DNAH14: variants seen among roughly 807,000 people sequenced by gnomAD.
The protein encoded by DNAH14 is dynein axonemal heavy chain 14.
Under a neutral mutation model 520.9 loss-of-function variants are expected in DNAH14, and 478 were observed. The observed-to-expected ratio is 0.92, with a 90% CI of 0.85 to 0.99. DNAH14 has a LOEUF of 0.99. DNAH14 is among the 50% of genes least tolerant of loss of function. The probability of loss-of-function intolerance (pLI) is 0.00; values close to 1 mark genes in which losing one functional copy is unlikely to be tolerated. For synonymous variants in DNAH14, 1,581 were observed against 1,757.2 expected, an observed-to-expected ratio of 0.90 and a Z score of 2.51; for missense variants, 4,831 against 5,234.5, an observed-to-expected ratio of 0.92 and a Z score of 2.38.
chr1:224,990,510 C>CT (rs1444142147), intron 8 of DNAH14, among the ~76,000 whole-genome samples: 1 of 152,138 alleles, frequency 6.6e-6, no homozygotes, highest in Admixed American at 6.5e-5. Flanking sequence ...CTACTCCCTG[C>CT]TTTTTTCAGT....
chr1:225,308,464 C>A (rs1206997816), intron 60 of DNAH14, 54 bp downstream of exon 60: 3 of 1,473,462 alleles, frequency 2.0e-6, no homozygotes, highest in South Asian at 2.8e-5. Flanking sequence ...AAAAGTATTC[C>A]CTAACCTTCA....
chr1:225,373,196 C>G (rs943574036), intron 77 of DNAH14, among the ~76,000 whole-genome samples: 9 of 127,290 alleles, frequency 7.1e-5, no homozygotes, highest in Admixed American at 1.7e-4. Flanking sequence ...GACAGGAAAA[C>G]AGAAAGAAAG....
intron 21 of DNAH14, among the ~76,000 whole-genome samples, chr1:225,094,656 CAAAAAAAA>C (rs760828776): frequency 1.7e-4 from 13 of 77,862 alleles, no homozygotes; most frequent in Admixed American, 5.4e-4. Flanking sequence ...TTCTGCACAG[CAAAAAAAA>C]AAAAAAAAAA....
At chr1:225,353,712 A>T in intron 72 of DNAH14, 91 bp from the exon 73 acceptor site, 1 of 760,928 alleles carries the variant, frequency 1.3e-6, no homozygotes, top group South Asian at 1.7e-5. Context: ...AAAAGTCACA[A>T]TTTTATGACA....
intron 11 of DNAH14, among the ~76,000 whole-genome samples, chr1:225,037,105 G>A (rs1227023086): frequency 3.3e-5 from 5 of 152,078 alleles, no homozygotes; most frequent in African/African-American, 4.8e-5. Flanking sequence ...TTCAGTCTGT[G>A]TTTGTCAAGG....
intron 23 of DNAH14, among the ~76,000 whole-genome samples, chr1:225,107,595 C>G (rs1045304417): frequency 6.6e-6 from 1 of 152,100 alleles, no homozygotes; most frequent in African/African-American, 2.4e-5. Context: ...GGAAGAAGCT[C>G]CCCTGTACGG....
chr1:225,229,974 T>G (rs2090943175), intron 41 of DNAH14, among the ~76,000 whole-genome samples: 1 of 152,088 alleles, frequency 6.6e-6, no homozygotes, highest in South Asian at 2.1e-4. Flanking sequence ...GGAAGAACAC[T>G]TAAAGGATCT....
At chr1:224,968,686 C>A in intron 6 of DNAH14, 73 bp from the exon 7 acceptor site, 1 of 955,202 alleles carries the variant, frequency 1.0e-6, no homozygotes, top group Non-Finnish European at 1.5e-6. Flanking sequence ...CAAATACAGG[C>A]TTTCTTAATT....
rs1202796160 is a variant in DNAH14, at chr1:225,354,255, C to G, written c.11619+367C>G. ...CCTGTAGGGAGAGGCCAATGGCTGA[C>G]CAGCACTGCTTGTGACAGGTAAGTC... On this transcript the variant is annotated intron_variant, in intron 73 of 85. Transcript: ENST00000682510. The G allele has an allele frequency of 5.7e-6, 4 of 701,796 alleles. No individual in the cohort carries two copies. In the East Asian group the frequency reaches 1.1e-4, roughly 19 times the overall value. The allele number at this position is 701,796 out of a possible 1,614,324, so 43.5% of individuals were successfully genotyped here. A position where few individuals can be genotyped will look rare whatever the true frequency, so the allele number is the denominator to read the frequency against.
intron 54 of DNAH14, among the ~76,000 whole-genome samples, chr1:225,287,784 G>A (rs1360336205): frequency 1.3e-5 from 2 of 152,078 alleles, no homozygotes; most frequent in Non-Finnish European, 2.9e-5. Flanking sequence ...TATGAGCCTG[G>A]AGAATCCTGT....
chr1:225,228,294 G>T (rs2090750064), intron 41 of DNAH14, among the ~76,000 whole-genome samples: 1 of 152,146 alleles, frequency 6.6e-6, no homozygotes, highest in Non-Finnish European at 1.5e-5. Flanking sequence ...AAAGATTCTT[G>T]CATGCCTGCA....
intron 41 of DNAH14, among the ~76,000 whole-genome samples, chr1:225,228,470 C>CTTACG (rs71574524): frequency 6.6e-6 from 1 of 151,876 alleles, no homozygotes. Flanking sequence ...TCTGGGGAAA[C>CTTACG]TGATAATTTA....
chr1:225,379,275 CAAAGAAATCCT>C (rs1242742498), intron 79 of DNAH14, among the ~76,000 whole-genome samples: 2 of 152,158 alleles, frequency 1.3e-5, no homozygotes, highest in Non-Finnish European at 2.9e-5. Context: ...GATTATTTTA[CAAAGAAATCCT>C]AAAAAAGCTT....
chr1:225,204,292 A>G lies in DNAH14; in HGVS notation c.5977+19A>G. On this transcript the variant is annotated intron_variant, in intron 39 of 85. Transcript: ENST00000682510. The stretch of plus-strand genomic sequence containing the variant: ...AATCACAGTAAGTGTTACTAAATTC[A>G]AGAAAGATTATTAATATAGAAGACA... 1 of 1,338,008 alleles carries G rather than the reference A, an allele frequency of 7.5e-7. No homozygotes were observed. The highest frequency in any genetic ancestry group is 1.0e-6 in the Non-Finnish European group (1 of 995,896). 82.9% of individuals were successfully genotyped at this position (1,338,008 alleles called of 1,614,324 possible).
At chr1:224,956,457 A>G (rs2060517548) in intron 3 of DNAH14, among the ~76,000 whole-genome samples, 1 of 152,148 alleles carries the variant, frequency 6.6e-6, no homozygotes, top group Non-Finnish European at 1.5e-5. Flanking sequence ...TGCCAACAGT[A>G]TTCAGTACAG....
At chr1:224,967,378 G>A (rs2061244655) in intron 5 of DNAH14, 53 bp from the exon 6 acceptor site, 4 of 1,296,370 alleles carry the variant, frequency 3.1e-6, no homozygotes, top group South Asian at 3.4e-5. Context: ...TATTAATTTA[G>A]TTAATTTAGT....
At chr1:225,352,415 C>T (rs888870080) in intron 72 of DNAH14, among the ~76,000 whole-genome samples, 5 of 152,104 alleles carry the variant, frequency 3.3e-5, no homozygotes, top group African/African-American at 1.2e-4. Context: ...CCAAAATAGA[C>T]AATTATATTA....
intron 27 of DNAH14, among the ~76,000 whole-genome samples, chr1:225,128,625 G>T (rs1381970773): frequency 6.6e-6 from 1 of 151,482 alleles, no homozygotes; most frequent in East Asian, 1.9e-4. Flanking sequence ...AACACTTCAT[G>T]CTAAAAACTC....
intron 83 of DNAH14, among the ~76,000 whole-genome samples, chr1:225,390,245 CCATT>C (rs1230312513): frequency 6.6e-6 from 1 of 152,198 alleles, no homozygotes; most frequent in Non-Finnish European, 1.5e-5. Context: ...TGAGCTTCAG[CCATT>C]CATTCATTTA....
Sources: gnomAD v4.1 joint callset for allele counts (sites outside exome capture counted in the v4.1 genomes callset) on GRCh38, gnomAD v4.1.1 for gene constraint, MANE v1.5 for transcripts, NCBI Gene and HGNC (gene_info 2026-07-23, HGNC 2026-07-21) for gene names.